CD5: variants seen among roughly 807,000 people sequenced by gnomAD.
CD5 encodes the protein T-cell surface glycoprotein CD5.
In CD5, 36 loss-of-function variants were observed where a neutral mutation model predicts 60.3. The observed-to-expected ratio is 0.60, with a 90% CI of 0.46 to 0.79. The LOEUF is 0.79. CD5 is among the 30% of genes least tolerant of loss of function. The pLI is 0.00. For synonymous variants in CD5, 230 were observed against 257.6 expected (o/e 0.89, Z 1.03); for missense variants, 540 against 630.6 (o/e 0.86, Z 1.54).
At chr11:61,094,748 T>G in the CD5 span, among the ~76,000 whole-genome samples, 1 of 152,144 alleles carries the variant, frequency 6.6e-6, no homozygotes, top group Non-Finnish European at 1.5e-5. Context: ...CACTAGGAAC[T>G]ATGTTGAAAA....
the CD5 span, among the ~76,000 whole-genome samples, chr11:61,094,022 G>A: frequency 6.6e-6 from 1 of 152,086 alleles, no homozygotes. Context: ...GGTGTCTGAG[G>A]GGTTTTGTCT....
At chr11:61,108,919 T>A (rs1299752961) in intron 1 of CD5, among the ~76,000 whole-genome samples, 1 of 152,206 alleles carries the variant, frequency 6.6e-6, no homozygotes, top group African/African-American at 2.4e-5. Context: ...CATTTTATTA[T>A]CATCGGTCAT....
upstream of CD5, among the ~76,000 whole-genome samples, chr11:61,099,062 G>A (rs1194069849): frequency 6.6e-6 from 1 of 152,194 alleles, no homozygotes; most frequent in African/African-American, 2.4e-5. Context: ...GCCCAGCCCA[G>A]GGAAACACAG....
chr11:61,117,550 G>A (rs538523228), intron 2 of CD5, among the ~76,000 whole-genome samples: 6 of 151,924 alleles, frequency 3.9e-5, no homozygotes, highest in East Asian at 1.9e-4. Flanking sequence ...GTGCAGTGGC[G>A]CGATCTTGGC....
chr11:61,114,982 GT>G, intron 1 of CD5, 73 bp from the exon 2 acceptor site: 1 of 1,433,484 alleles, frequency 7.0e-7, no homozygotes, highest in Non-Finnish European at 9.6e-7. Flanking sequence ...TGCTCGGGCT[GT>G]GGGTGGGTGA....
chr11:61,123,416 T>C (rs1861098233), intron 7 of CD5, among the ~76,000 whole-genome samples: 2 of 151,920 alleles, frequency 1.3e-5, no homozygotes, highest in Admixed American at 6.5e-5. Context: ...ATTGGGACAC[T>C]TCCTCTCTCT....
At chr11:61,095,174 C>A in the CD5 span, among the ~76,000 whole-genome samples, 1 of 152,152 alleles carries the variant, frequency 6.6e-6, no homozygotes. Context: ...CTCCCCACTC[C>A]TGAGCCCACA....
chr11:61,116,860 A>ACACACAC lies in CD5; in HGVS notation c.95-1307_95-1301dup, dbSNP rs1860973311. Among the ~76,000 whole-genome samples the ACACACAC allele has an allele frequency of 2.7e-5, 4 of 147,394 alleles. No individual in the cohort carries two copies. In the South Asian group the frequency reaches 8.7e-4, roughly 32 times the overall value. On this transcript the variant is annotated intron_variant, in intron 2 of 10. Coordinates refer to ENST00000347785, the MANE Select transcript of CD5 (RefSeq NM_014207.4). ...ACACACACACCACCACACACACATC[A>ACACACAC]CACACACCACACACACTACACCACA...
chr11:61,100,774 T>A (rs1206104778), upstream of CD5, among the ~76,000 whole-genome samples: 13 of 68,122 alleles, frequency 1.9e-4, no homozygotes, highest in South Asian at 4.4e-4. Flanking sequence ...AACATGGAGA[T>A]CACAAACACA....
chr11:61,095,349 G>A, the CD5 span, among the ~76,000 whole-genome samples: 3 of 152,272 alleles, frequency 2.0e-5, no homozygotes, highest in South Asian at 2.1e-4. Context: ...AGATGAGGAC[G>A]GACACATGGT....
chr11:61,107,088 G>T (rs527462262), intron 1 of CD5, among the ~76,000 whole-genome samples: 2 of 152,332 alleles, frequency 1.3e-5, no homozygotes, highest in Non-Finnish European at 2.9e-5. Flanking sequence ...GTCATGAGAG[G>T]TGTGGAGACA....
At chr11:61,100,726 ACACACACATCAACATGGAGATCACATT>A (rs1860662551), upstream of CD5, among the ~76,000 whole-genome samples, 1 of 147,112 alleles carries the variant, frequency 6.8e-6, no homozygotes, top group Admixed American at 6.7e-5. Flanking sequence ...TGGAGATCAC[ACACACACATCAACATGGAGATCACATT>A]CACACACATC....
In CD5 at chr11:61,118,937, A is replaced by G; in HGVS notation, c.423A>G (p.Pro141=). ...TCLEPQKTTP[P]TTRPPPTTTP... The stretch of plus-strand genomic sequence containing the variant: ...CAGAACCCCAGAAGACAACACCTCC[A>G]ACGACAAGGCCCCCGCCCACCACAA... The change falls in exon 4 of 11, where the codon CCA becomes CCG. Residue 141 remains proline (P), a synonymous_variant. Transcript: ENST00000347785. This position sits in a 1 kb window ranked among gnomAD's most constrained non-coding sequence, Gnocchi z 4.7. The G allele has an allele frequency of 6.2e-7, 1 of 1,613,890 alleles. No homozygotes were observed. Among genetic ancestry groups the G allele is most frequent in the Non-Finnish European group, 8.5e-7 (1 of 1,179,916 alleles).
chr11:61,104,625 C>T (rs373963082), intron 1 of CD5, among the ~76,000 whole-genome samples: 1 of 152,198 alleles, frequency 6.6e-6, no homozygotes, highest in African/African-American at 2.4e-5. Context: ...TCCTTGAACC[C>T]CAGGAATACT....
At chr11:61,105,685 A>G (rs944029044) in intron 1 of CD5, among the ~76,000 whole-genome samples, 1 of 152,174 alleles carries the variant, frequency 6.6e-6, no homozygotes, top group Non-Finnish European at 1.5e-5. Context: ...TCACTAATTC[A>G]TTCATTTTTC....
Position 61,121,633 on chromosome 11 carries a change from C to G in CD5, c.828C>G (p.Ser276Arg), listed in dbSNP as rs764926134. Reference sequence around the variant, plus strand: ...CAGGTTTCCAGCCCAAGGTGCAGAGCCGTCTGGTGGGGGGCAGCAGCATCT... The same window carrying G: ...CAGGTTTCCAGCCCAAGGTGCAGAGGCGTCTGGTGGGGGGCAGCAGCATCT... ...LCSGFQPKVQ[S>R]RLVGGSSICE... Residue 276 changes from serine (S) to arginine (R), a missense_variant, in exon 6 of 11, where the codon AGC becomes AGG. By Grantham distance (110) the Ser-to-Arg change is moderately radical. Coordinates refer to ENST00000347785, the MANE Select transcript of CD5 (RefSeq NM_014207.4). 6.6e-7 allele frequency: 1 copy of G among 1,524,352 alleles called. No individual in the cohort carries two copies. Among genetic ancestry groups the G allele is most frequent in the Admixed American group, 1.9e-5 (1 of 53,150 alleles). 94.4% of individuals were successfully genotyped at this position (1,524,352 alleles called of 1,614,324 possible).
In CD5 at chr11:61,115,043, C is replaced by T. The variant is rs1399054233; in HGVS notation, c.56-13C>T. 2 of 1,554,788 alleles carry T rather than the reference C, an allele frequency of 1.3e-6. No homozygotes were observed. Among genetic ancestry groups the T allele is most frequent in the Non-Finnish European group, 8.7e-7 (1 of 1,148,308 alleles). ...AGGTTTCACTTCCTGACCCTCCTCTCTTCTTTCTGCAGTCGCTTCCTGCCT... is the reference window on the plus strand; with the variant it reads ...AGGTTTCACTTCCTGACCCTCCTCTTTTCTTTCTGCAGTCGCTTCCTGCCT... On this transcript the variant is annotated splice_polypyrimidine_tract_variant and intron_variant, in intron 1 of 10. Transcript: ENST00000347785.
chr11:61,097,706 A>C (rs904455025), upstream of CD5, among the ~76,000 whole-genome samples: 5 of 152,152 alleles, frequency 3.3e-5, no homozygotes, highest in Admixed American at 3.3e-4. Flanking sequence ...GCAAAAAGAG[A>C]AGCATAGCTA....
rs1390314930 is a variant in CD5 at position 61,121,721 on chromosome 11, G to C, written c.916G>C (p.Ala306Pro). ...GGCAGCCCTGTGTGACAGCTCTTCAGCCAGGAGCTCGCTGCGGTGGGAGGA... is the reference window on the plus strand; with the variant it reads ...GGCAGCCCTGTGTGACAGCTCTTCACCCAGGAGCTCGCTGCGGTGGGAGGA... ...QWAALCDSSS[A>P]RSSLRWEEVC... is the part of the protein sequence containing the mutation. Residue 306 changes from alanine to proline, a missense_variant, in exon 6 of 11, where the codon GCC becomes CCC. Ala to Pro is a conservative substitution (Grantham distance 27). Coordinates refer to ENST00000347785, the MANE Select transcript of CD5 (RefSeq NM_014207.4). 6.2e-7 allele frequency: 1 copy of C among 1,609,880 alleles called. No individual in the cohort carries two copies. The highest frequency in any genetic ancestry group is 1.3e-5 in the African/African-American group (1 of 75,014).
Sources: gnomAD v4.1 joint callset for allele counts (sites outside exome capture counted in the v4.1 genomes callset) on GRCh38, gnomAD v4.1.1 for gene constraint, Gnocchi (gnomAD v3.1) non-coding constraint, MANE v1.5 for transcripts, NCBI Gene and HGNC (gene_info 2026-07-23, HGNC 2026-07-21) for gene names.